The following COL5A2 variants were observed in gnomAD, a reference collection of about 807,000 sequenced individuals.
COL5A2 encodes the protein collagen type V alpha 2 chain.
A neutral mutation model predicts 208.2 loss-of-function variants in COL5A2; 23 were observed. The ratio of observed to expected loss-of-function variants is 0.11; its 90% CI spans 0.08 to 0.16. COL5A2 has a LOEUF of 0.16. Ranked by LOEUF, COL5A2 falls within the 10% of genes least tolerant of loss-of-function variation. COL5A2 has a pLI of 1.00. For missense variants in COL5A2, 1,590 were observed against 1,956.4 expected (o/e 0.81, Z 3.53); for synonymous variants, 625 against 628.5 (o/e 0.99, Z 0.08).
chr2:189,290,760 T>C, the COL5A2 span, among the ~76,000 whole-genome samples: 1 of 57,816 alleles, frequency 1.7e-5, no homozygotes, highest in African/African-American at 5.6e-5. Flanking sequence ...ACACACATTA[T>C]TATATACAGG....
chr2:189,174,011 T>C (rs10165257), intron 1 of COL5A2, among the ~76,000 whole-genome samples: 26,354 of 152,242 alleles, frequency 0.17, 3,259 homozygotes, highest in African/African-American at 0.35. Context: ...ATTTTAAGAA[T>C]GCCATGTAAG....
At chr2:189,199,886 C>G (rs1432832020) in intron 1 of COL5A2, among the ~76,000 whole-genome samples, 1 of 152,164 alleles carries the variant, frequency 6.6e-6, no homozygotes, top group Non-Finnish European at 1.5e-5. Flanking sequence ...ACAAGTTGAC[C>G]ATTACAGGTT....
rs1289440884 is a variant in COL5A2 at position 189,036,643 on chromosome 2, A to G, written c.4086T>C (p.Tyr1362=). 6.2e-7 allele frequency: 1 copy of G among 1,613,644 alleles called. No homozygotes were observed. Among genetic ancestry groups the G allele is most frequent in the Non-Finnish European group, 8.5e-7 (1 of 1,179,670 alleles). ...GAGACCCTCTGTTCATATCAAGACC[A>G]TACCAAACAGGTTTATTGTCAGGAG... ...SKSPDNKPVW[Y]GLDMNRGSQF... Residue 1362 remains tyrosine (Y), a synonymous_variant, in exon 52 of 54, where the codon TAT becomes TAC. Transcript: ENST00000374866.
chr2:189,341,468 T>C, the COL5A2 span, among the ~76,000 whole-genome samples: 1 of 152,064 alleles, frequency 6.6e-6, no homozygotes, highest in Admixed American at 6.6e-5. Flanking sequence ...TTTTCCATCA[T>C]TAAAAAAATG....
intron 1 of COL5A2, among the ~76,000 whole-genome samples, chr2:189,221,010 T>C (rs1039471158): frequency 2.0e-5 from 3 of 152,314 alleles, no homozygotes; most frequent in East Asian, 1.9e-4. Flanking sequence ...TGGCCCATAA[T>C]AGGTGTTCAA....
intron 1 of COL5A2, among the ~76,000 whole-genome samples, chr2:189,220,708 A>G (rs998263961): frequency 1.3e-5 from 2 of 152,212 alleles, no homozygotes; most frequent in African/African-American, 4.8e-5. Context: ...GAGAAAATAA[A>G]TCACCAGCAG....
the COL5A2 span, among the ~76,000 whole-genome samples, chr2:189,440,981 T>C: frequency 1.3e-5 from 2 of 152,080 alleles, no homozygotes; most frequent in South Asian, 4.2e-4. Context: ...GAAGAACGGC[T>C]AATGAGAGGA....
At chr2:189,191,061 T>G (rs183203295) in intron 1 of COL5A2, among the ~76,000 whole-genome samples, 34 of 150,386 alleles carry the variant, frequency 2.3e-4, no homozygotes, top group African/African-American at 7.3e-4. Flanking sequence ...AGGTTCTGGA[T>G]GTGATAGGAT....
At chr2:189,239,821 GA>G in the COL5A2 span, among the ~76,000 whole-genome samples, 1 of 151,968 alleles carries the variant, frequency 6.6e-6, no homozygotes, top group African/African-American at 2.4e-5. Context: ...GGGGCCACAA[GA>G]TAAGGAATGC....
chr2:189,224,664 G>C (rs913554420), intron 1 of COL5A2, among the ~76,000 whole-genome samples: 6 of 151,980 alleles, frequency 3.9e-5, no homozygotes, highest in African/African-American at 1.4e-4. Flanking sequence ...ACTCCAGTCT[G>C]GGTGACAGAG....
chr2:189,152,793 C>T (rs991289987), intron 1 of COL5A2, among the ~76,000 whole-genome samples: 12 of 151,718 alleles, frequency 7.9e-5, no homozygotes, highest in African/African-American at 2.2e-4. Flanking sequence ...GGGAGGGTGG[C>T]GAGGAATCAA....
chr2:189,292,914 C>T, the COL5A2 span, among the ~76,000 whole-genome samples: 1 of 152,110 alleles, frequency 6.6e-6, no homozygotes, highest in Non-Finnish European at 1.5e-5. Flanking sequence ...CCATGGAATA[C>T]TATGCAGCCA....
chr2:189,035,517 A>C (rs1685426874), intron 52 of COL5A2, among the ~76,000 whole-genome samples: 1 of 151,952 alleles, frequency 6.6e-6, no homozygotes, highest in African/African-American at 2.4e-5. Context: ...AAATCTTTTG[A>C]CCCCAACTAT....
chr2:189,185,316 G>A (rs992656147), intron 1 of COL5A2, among the ~76,000 whole-genome samples: 6 of 152,084 alleles, frequency 3.9e-5, no homozygotes, highest in African/African-American at 1.4e-4. Flanking sequence ...AGCCCAGTGT[G>A]CCCGACCCTA....
intron 1 of COL5A2, among the ~76,000 whole-genome samples, chr2:189,169,207 T>C (rs1193814228): frequency 1.3e-5 from 2 of 152,208 alleles, no homozygotes; most frequent in Non-Finnish European, 2.9e-5. Context: ...ATGATTATCA[T>C]AGTTTCACAA....
chr2:189,036,535 G>T, intron 52 of COL5A2, 81 bp downstream of exon 52: 1 of 1,181,376 alleles, frequency 8.5e-7, no homozygotes, highest in Non-Finnish European at 1.2e-6. Context: ...TAAAAAAATA[G>T]CAAAGTCCTA....
intron 1 of COL5A2, among the ~76,000 whole-genome samples, chr2:189,135,002 A>G (rs1380681300): frequency 6.6e-6 from 1 of 152,190 alleles, no homozygotes; most frequent in Non-Finnish European, 1.5e-5. Context: ...CTTTAAGGAT[A>G]GTATTCATAT....
At chr2:189,348,031 T>C in the COL5A2 span, among the ~76,000 whole-genome samples, 3 of 151,648 alleles carry the variant, frequency 2.0e-5, no homozygotes, top group African/African-American at 7.3e-5. Flanking sequence ...ATTTACAGCA[T>C]AATATTTAGA....
At position 189,052,925 on chromosome 2, in the gene COL5A2, A is replaced by T; in HGVS notation, c.2647T>A (p.Ser883Thr). 6.2e-7 allele frequency: 1 copy of T among 1,614,066 alleles called. No homozygotes were observed. Among genetic ancestry groups the T allele is most frequent in the Non-Finnish European group, 8.5e-7 (1 of 1,179,978 alleles). The stretch of plus-strand genomic sequence containing the variant: ...TGTTAACTTACATGAGGGCCAGGGG[A>T]TCCTGCTAAACCTTGTGGTCCAGGA... ...GSPGPQGLAG[S>T]PGPHGPNGVP... is the part of the protein sequence containing the mutation. The change falls in exon 39 of 54, where the codon TCC becomes ACC. Residue 883 changes from serine (S) to threonine (T), a missense_variant. Physicochemically the swap from Ser to Thr is moderately conservative, Grantham distance 58. Transcript: ENST00000374866.
Sources: allele counts gnomAD v4.1 joint callset (sites outside exome capture counted in the v4.1 genomes callset), GRCh38; gene constraint gnomAD v4.1.1; transcripts MANE v1.5; gene names NCBI Gene and HGNC (gene_info 2026-07-23, HGNC 2026-07-21).